Variants in ZNRF3 observed in about 807,000 individuals in gnomAD.
ZNRF3 encodes E3 ubiquitin-protein ligase ZNRF3.
ZNRF3 carries 23 observed loss-of-function variants against 72.5 expected under a neutral mutation model. That is an observed-to-expected ratio of 0.32 (90% CI 0.23 to 0.45). The LOEUF (loss-of-function observed/expected upper bound fraction) is 0.45. Among genes scored for constraint, ZNRF3 ranks in the 20% least tolerant of loss-of-function variants. ZNRF3 has a pLI of 1.00. For missense variants in ZNRF3, 1,169 were observed against 1,272.1 expected, an observed-to-expected ratio of 0.92 and a Z score of 1.23; for synonymous variants, 610 against 545.3, an observed-to-expected ratio of 1.12 and a Z score of -1.65.
chr22:28,952,049 A>C (rs1408623612), intron 1 of ZNRF3, among the ~76,000 whole-genome samples: 2 of 152,184 alleles, frequency 1.3e-5, no homozygotes, highest in Non-Finnish European at 2.9e-5. Context: ...CTCCGAGTGC[A>C]TTCTCCATGG....
At chr22:29,000,840 G>A (rs1331102699) in intron 2 of ZNRF3, among the ~76,000 whole-genome samples, 1 of 152,094 alleles carries the variant, frequency 6.6e-6, no homozygotes, top group Admixed American at 6.6e-5. Flanking sequence ...CTAGGCTGGG[G>A]TGCAGTGATG....
intron 1 of ZNRF3, among the ~76,000 whole-genome samples, chr22:28,961,008 C>A (rs192950440): frequency 1.3e-5 from 2 of 152,284 alleles, no homozygotes; most frequent in Admixed American, 1.3e-4. Flanking sequence ...TCAGTCTGTT[C>A]CTTTTGCTCT....
chr22:28,897,860 C>G (rs1476380278), intron 1 of ZNRF3, among the ~76,000 whole-genome samples: 1 of 152,150 alleles, frequency 6.6e-6, no homozygotes, highest in African/African-American at 2.4e-5. Flanking sequence ...AACCGGAATT[C>G]TCCTAGATCA....
Position 29,050,769 on chromosome 22 carries a change from C to T in ZNRF3, c.2588C>T (p.Thr863Ile). The T allele has an allele frequency of 1.2e-6, 2 of 1,606,532 alleles. No homozygotes were observed. The highest frequency in any genetic ancestry group is 1.7e-6 in the Non-Finnish European group (2 of 1,176,802). ...TGGGGTGGGACGCGAGGCCCGGATA[C>T]CCCACGGCCCCACAGGGGCCTGGGA... Reference protein sequence around the residue: ...GSWGGTRGPDTPRPHRGLGAT... With the variant: ...GSWGGTRGPDIPRPHRGLGAT... Residue 863 changes from threonine (T) to isoleucine (I), a missense_variant, in exon 8 of 9, where the codon ACC becomes ATC. Transcript: ENST00000544604.
intron 1 of ZNRF3, among the ~76,000 whole-genome samples, chr22:28,937,693 T>G (rs1192488663): frequency 6.6e-6 from 1 of 152,104 alleles, no homozygotes; most frequent in Admixed American, 6.5e-5. Context: ...CAACCACCCT[T>G]TGAGAACCAC....
chr22:28,949,588 A>G (rs1343952416), intron 1 of ZNRF3, among the ~76,000 whole-genome samples: 1 of 152,188 alleles, frequency 6.6e-6, no homozygotes, highest in East Asian at 1.9e-4. Context: ...AAAAATTCAC[A>G]TTTGTTCCCA....
chr22:29,010,871 G>T (rs1249604824), intron 2 of ZNRF3, among the ~76,000 whole-genome samples: 1 of 152,128 alleles, frequency 6.6e-6, no homozygotes, highest in Non-Finnish European at 1.5e-5. Flanking sequence ...GTTTCATCCT[G>T]TTGGCCAGGC....
At chr22:29,000,377 A>G (rs2036121405) in intron 2 of ZNRF3, among the ~76,000 whole-genome samples, 2 of 152,238 alleles carry the variant, frequency 1.3e-5, no homozygotes, top group Non-Finnish European at 2.9e-5. Flanking sequence ...AATGTGAAAT[A>G]TGCTAGGAAT....
At chr22:28,923,704 G>T (rs984360596) in intron 1 of ZNRF3, among the ~76,000 whole-genome samples, 7 of 152,052 alleles carry the variant, frequency 4.6e-5, no homozygotes, top group African/African-American at 1.7e-4. Context: ...TTCCCTGCCC[G>T]TAAATATTTC....
intron 1 of ZNRF3, among the ~76,000 whole-genome samples, chr22:28,914,825 A>G (rs1601552619): frequency 6.6e-6 from 1 of 152,178 alleles, no homozygotes; most frequent in East Asian, 1.9e-4. Context: ...AAAAAAAAAA[A>G]AAAAAAAATT....
chr22:28,925,082 A>T (rs572612197), intron 1 of ZNRF3, among the ~76,000 whole-genome samples: 1 of 152,264 alleles, frequency 6.6e-6, no homozygotes, highest in East Asian at 1.9e-4. Flanking sequence ...TACCATACAT[A>T]CCTCCATGAG....
At chr22:28,933,639 C>T (rs2123780079) in intron 1 of ZNRF3, among the ~76,000 whole-genome samples, 1 of 151,968 alleles carries the variant, frequency 6.6e-6, no homozygotes, top group South Asian at 2.1e-4. Flanking sequence ...TTGATTATGT[C>T]CAAAGAAACT....
intron 1 of ZNRF3, among the ~76,000 whole-genome samples, chr22:28,981,185 C>CA (rs1439015103): frequency 6.6e-6 from 1 of 152,206 alleles, no homozygotes; most frequent in Non-Finnish European, 1.5e-5. Context: ...GTGTGAATAA[C>CA]ACGCCTGGTT....
rs183395227 is a variant in ZNRF3, at chr22:29,000,545, A to G, written c.426+13344A>G. Among the ~76,000 whole-genome samples, 360 of 152,334 alleles carry G rather than the reference A, an allele frequency of 2.4e-3. 1 individual carries two copies. Among genetic ancestry groups the G allele is most frequent in the African/African-American group, 8.0e-3 (334 of 41,572 alleles). ...AAATCTTAACATCTTTTAGAACCTA[A>G]CTGTAAAGGTGTAGTTACAATTTAC... On this transcript the variant is annotated intron_variant, in intron 2 of 8. Transcript: ENST00000544604.
intron 1 of ZNRF3, among the ~76,000 whole-genome samples, chr22:28,891,328 C>T (rs1220656278): frequency 6.6e-6 from 1 of 152,196 alleles, no homozygotes; most frequent in Non-Finnish European, 1.5e-5. Flanking sequence ...ACACCAGATG[C>T]AGGGCATGCT....
rs762014923 is a variant in ZNRF3 at position 29,049,323 on chromosome 22, A to T, written c.1142A>T (p.Tyr381Phe). The T allele has an allele frequency of 2.5e-6, 4 of 1,613,556 alleles. No individual in the cohort carries two copies. In the East Asian group the frequency reaches 8.9e-5, roughly 36 times the overall value. Residue 381 changes from tyrosine to phenylalanine, a missense_variant, in exon 8 of 9, where the codon TAC becomes TTC. This residue lies in a region of ZNRF3 where 386 missense variants were observed against 540.7 expected (regional missense o/e 0.71). Coordinates refer to ENST00000544604, the MANE Select transcript of ZNRF3 (RefSeq NM_001206998.2). The surrounding 1 kb of genome is among the most constrained non-coding windows in gnomAD (Gnocchi z 5.2). ...CACAGGACCAACGCCATCCCAGCCT[A>T]CCCTACGAGGACAAGCATGGACTCC... ...RVHRTNAIPAYPTRTSMDSHG... is the reference protein window; with the variant it reads ...RVHRTNAIPAFPTRTSMDSHG...
chr22:29,051,045 C>T (rs2037197130), intron 8 of ZNRF3, 97 bp downstream of exon 8: 2 of 1,376,206 alleles, frequency 1.5e-6, no homozygotes, highest in Admixed American at 2.5e-5. Context: ...TCTTTTGTGT[C>T]CTTGGTTTTA....
At chr22:29,020,136 A>G (rs1211300318) in intron 2 of ZNRF3, among the ~76,000 whole-genome samples, 1 of 151,648 alleles carries the variant, frequency 6.6e-6, no homozygotes, top group Non-Finnish European at 1.5e-5. Context: ...TGATTACTTT[A>G]TGATACCTAA....
At chr22:28,986,822 C>T (rs1277609827) in intron 1 of ZNRF3, among the ~76,000 whole-genome samples, 1 of 152,116 alleles carries the variant, frequency 6.6e-6, no homozygotes, top group Non-Finnish European at 1.5e-5. Context: ...GCAGTTTCCA[C>T]CTTGGATCAC....
Sources: allele counts gnomAD v4.1 joint callset (sites outside exome capture counted in the v4.1 genomes callset), GRCh38; gene constraint gnomAD v4.1.1; regional missense constraint gnomAD v4.1.1; non-coding constraint Gnocchi (gnomAD v3.1); transcripts MANE v1.5; gene names NCBI Gene and HGNC (gene_info 2026-07-23, HGNC 2026-07-21).